The following RAB38 variants were observed in gnomAD, a reference collection of about 807,000 sequenced individuals.
The protein encoded by RAB38 is RAB38, member RAS oncogene family.
Under a neutral mutation model 18.4 loss-of-function variants are expected in RAB38, and 15 were observed. The ratio of observed to expected loss-of-function variants is 0.82; its 90% CI spans 0.55 to 1.26. RAB38 has a LOEUF of 1.26. Ranked by LOEUF, RAB38 falls within the 50% of genes most tolerant of loss-of-function variation. RAB38 has a pLI of 0.00. For synonymous variants in RAB38, 101 were observed against 104.4 expected, an observed-to-expected ratio of 0.97 and a Z score of 0.20; for missense variants, 294 against 267.4, an observed-to-expected ratio of 1.10 and a Z score of -0.69.
Position 88,145,891 on chromosome 11 carries a change from C to T in RAB38, c.483+3784G>A, listed in dbSNP as rs948916477. On this transcript the variant is annotated intron_variant, in intron 2 of 2. Transcript: ENST00000243662. ...GGGGCAAAATGGGACACATGATTAC[C>T]CCAATTATACATCACCTAGAGAATC... Among the ~76,000 whole-genome samples, 7 of 152,116 alleles carry T rather than the reference C, an allele frequency of 4.6e-5. 1 individual carries two copies. The highest frequency in any genetic ancestry group is 2.6e-4 in the Admixed American group (4 of 15,280).
the RAB38 span, among the ~76,000 whole-genome samples, chr11:87,827,150 A>G: frequency 1.6e-4 from 25 of 152,200 alleles, no homozygotes; most frequent in African/African-American, 5.8e-4. Flanking sequence ...GAAAGGAGTC[A>G]TCAGTCTTAA....
chr11:88,041,105 ATTT>A, the RAB38 span, among the ~76,000 whole-genome samples: 1 of 152,178 alleles, frequency 6.6e-6, no homozygotes, highest in Non-Finnish European at 1.5e-5. Context: ...TTGCTAGGAT[ATTT>A]TTATTCTTTT....
the RAB38 span, among the ~76,000 whole-genome samples, chr11:88,062,338 A>G: frequency 6.6e-6 from 1 of 152,144 alleles, no homozygotes; most frequent in East Asian, 1.9e-4. Context: ...GCACCATGTA[A>G]GACATGCCTG....
chr11:88,003,880 A>G, the RAB38 span, among the ~76,000 whole-genome samples: 1,487 of 16,744 alleles, frequency 0.089, 659 homozygotes, highest in South Asian at 0.14. Flanking sequence ...ATATATTTAT[A>G]TATATAATTA....
chr11:87,810,519 A>T, the RAB38 span, among the ~76,000 whole-genome samples: 141,059 of 152,274 alleles, frequency 0.93, 65,444 homozygotes, highest in East Asian at 0.98. Flanking sequence ...TCAACATGTC[A>T]TATACATGGT....
chr11:87,873,437 AGTT>A, the RAB38 span, among the ~76,000 whole-genome samples: 581 of 151,528 alleles, frequency 3.8e-3, 2 homozygotes, highest in Non-Finnish European at 6.7e-3. Context: ...GCAGAGCAGA[AGTT>A]GTTATTATTT....
At chr11:88,049,117 C>T in the RAB38 span, among the ~76,000 whole-genome samples, 24 of 152,254 alleles carry the variant, frequency 1.6e-4, no homozygotes, top group South Asian at 5.0e-3. Context: ...CTTGAAGCAG[C>T]CCTGAGAAAC....
chr11:88,029,953 T>G, the RAB38 span, among the ~76,000 whole-genome samples: 1 of 152,092 alleles, frequency 6.6e-6, no homozygotes, highest in East Asian at 1.9e-4. Context: ...ACCACACCTA[T>G]TCCAAAATTG....
chr11:88,013,549 A>G, the RAB38 span, among the ~76,000 whole-genome samples: 1 of 152,182 alleles, frequency 6.6e-6, no homozygotes. Flanking sequence ...GCTGATTCAA[A>G]ATCTGAAGAT....
chr11:88,142,952 C>A (rs1942935214), intron 2 of RAB38, among the ~76,000 whole-genome samples: 1 of 152,242 alleles, frequency 6.6e-6, no homozygotes, highest in African/African-American at 2.4e-5. Flanking sequence ...AGACTTTAAA[C>A]TCCTAGAGAT....
chr11:88,107,271 A>G, the RAB38 span, among the ~76,000 whole-genome samples: 11,195 of 152,154 alleles, frequency 0.074, 697 homozygotes, highest in African/African-American at 0.17. Context: ...CATAGGCTTT[A>G]TCTGTCATCC....
the RAB38 span, among the ~76,000 whole-genome samples, chr11:88,014,771 C>T: frequency 6.6e-6 from 1 of 152,088 alleles, no homozygotes; most frequent in East Asian, 1.9e-4. Flanking sequence ...CAAATTTGAG[C>T]CTCTCTTGAT....
chr11:87,976,240 C>A, the RAB38 span, among the ~76,000 whole-genome samples: 2 of 142,582 alleles, frequency 1.4e-5, no homozygotes, highest in South Asian at 4.3e-4. Flanking sequence ...TATATATACA[C>A]CTTCATATAT....
the RAB38 span, among the ~76,000 whole-genome samples, chr11:88,039,066 T>G: frequency 0.038 from 5,845 of 152,238 alleles, 144 homozygotes; most frequent in Middle Eastern, 0.068. Flanking sequence ...TGGGAGCATA[T>G]AAATGGCAGT....
the RAB38 span, among the ~76,000 whole-genome samples, chr11:87,907,214 T>C: frequency 1.3e-5 from 2 of 151,974 alleles, no homozygotes; most frequent in African/African-American, 4.8e-5. Flanking sequence ...TCTAATACTG[T>C]ATATTGTCAA....
At chr11:88,069,073 G>A in the RAB38 span, among the ~76,000 whole-genome samples, 1 of 152,182 alleles carries the variant, frequency 6.6e-6, no homozygotes, top group Non-Finnish European at 1.5e-5. Context: ...CAGGAACCGG[G>A]GCTGTGCACT....
At chr11:87,868,610 A>AGAGAGAGAGAAG in the RAB38 span, among the ~76,000 whole-genome samples, 5 of 144,714 alleles carry the variant, frequency 3.5e-5, no homozygotes, top group African/African-American at 1.0e-4. Context: ...AGAGAGAGAG[A>AGAGAGAGAGAAG]GAGAGAGAGA....
chr11:88,163,016 C>T (rs1172958838), intron 1 of RAB38, among the ~76,000 whole-genome samples: 3 of 152,120 alleles, frequency 2.0e-5, no homozygotes, highest in Non-Finnish European at 4.4e-5. Flanking sequence ...TGGACTCACA[C>T]TCATCTCTTC....
chr11:87,955,191 C>T, the RAB38 span, among the ~76,000 whole-genome samples: 2 of 152,108 alleles, frequency 1.3e-5, no homozygotes, highest in Non-Finnish European at 2.9e-5. Flanking sequence ...GTGCACTCTT[C>T]CACATGCTTT....
Sources: allele counts gnomAD v4.1 joint callset (sites outside exome capture counted in the v4.1 genomes callset), GRCh38; gene constraint gnomAD v4.1.1; transcripts MANE v1.5; gene names NCBI Gene and HGNC (gene_info 2026-07-23, HGNC 2026-07-21).